Variants in ARHGAP32 observed in about 807,000 individuals in gnomAD.
ARHGAP32 encodes the protein rho GTPase-activating protein 32.
A neutral mutation model predicts 186.5 loss-of-function variants in ARHGAP32; 51 were observed. The ratio of observed to expected loss-of-function variants is 0.27; its 90% confidence interval spans 0.22 to 0.35. The LOEUF (loss-of-function observed/expected upper bound fraction) is 0.35. Ranked by LOEUF, ARHGAP32 falls within the 10% of genes least tolerant of loss-of-function variation. The pLI, the probability that ARHGAP32 is intolerant of heterozygous loss-of-function variation, is 1.00. For missense variants in ARHGAP32, 2,186 were observed against 2,623.5 expected (o/e 0.83, Z 3.64); for synonymous variants, 950 against 964.3 (o/e 0.99, Z 0.27).
intron 2 of ARHGAP32, among the ~76,000 whole-genome samples, chr11:129,129,198 A>C (rs11221572): frequency 0.15 from 11,932 of 81,932 alleles, 420 homozygotes; most frequent in Non-Finnish European, 0.17. Flanking sequence ...CGGCAGCCGC[A>C]CCGTCTGGGA....
chr11:129,204,522 T>C (rs908280819), intron 1 of ARHGAP32, among the ~76,000 whole-genome samples: 1 of 152,156 alleles, frequency 6.6e-6, no homozygotes, highest in African/African-American at 2.4e-5. Flanking sequence ...GTTGAAGAAA[T>C]AGAAATAAAT....
chr11:129,221,479 CTGTG>C (rs537808170), intron 1 of ARHGAP32, among the ~76,000 whole-genome samples: 5,633 of 121,028 alleles, frequency 0.047, 133 homozygotes, highest in South Asian at 0.088. Context: ...ATTGTCATTA[CTGTG>C]TGTGTGTGTG....
chr11:129,149,270 C>G (rs3911250), intron 2 of ARHGAP32, among the ~76,000 whole-genome samples: 29,512 of 152,132 alleles, frequency 0.19, 3,064 homozygotes, highest in Non-Finnish European at 0.22. Context: ...CCCACAACAT[C>G]CTGGCTAACC....
chr11:129,146,967 G>A (rs1943179126), intron 2 of ARHGAP32, among the ~76,000 whole-genome samples: 1 of 151,788 alleles, frequency 6.6e-6, no homozygotes, highest in African/African-American at 2.4e-5. Flanking sequence ...GATTATTATT[G>A]AGAAAAAAGG....
At position 129,188,017 on chromosome 11, in the gene ARHGAP32, G is replaced by A. The variant is rs544627967; in HGVS notation, c.116+4066C>T. Among the ~76,000 whole-genome samples, 594 of 152,152 alleles carry A rather than the reference G, an allele frequency of 3.9e-3. 2 individuals are homozygous for A. Among genetic ancestry groups the A allele is most frequent in the African/African-American group, 0.013 (558 of 41,518 alleles). ...GTCACCCAGGCTGGAATGCAGTGCC[G>A]TAATCTCAGCTCACTGCAATCTCTA... On this transcript the variant is annotated intron_variant, in intron 1 of 22. Coordinates refer to ENST00000682385, the MANE Select transcript of ARHGAP32 (RefSeq NM_001378024.1).
intron 1 of ARHGAP32, among the ~76,000 whole-genome samples, chr11:129,217,838 G>C (rs566413457): frequency 6.6e-6 from 1 of 152,160 alleles, no homozygotes; most frequent in Admixed American, 6.6e-5. Flanking sequence ...GCACTAGCTT[G>C]GTAGTGAGTT....
At chr11:129,059,236 G>A (rs1940390486) in intron 10 of ARHGAP32, among the ~76,000 whole-genome samples, 1 of 152,110 alleles carries the variant, frequency 6.6e-6, no homozygotes, top group Non-Finnish European at 1.5e-5. Context: ...TTAGCATCCT[G>A]ACTACTTATT....
chr11:129,247,860 A>T (rs1371002068), intron 1 of ARHGAP32, among the ~76,000 whole-genome samples: 1 of 152,246 alleles, frequency 6.6e-6, no homozygotes, highest in African/African-American at 2.4e-5. Flanking sequence ...GGGTCATAAA[A>T]TGAAATTCAG....
chr11:129,210,412 C>T (rs879615039), intron 1 of ARHGAP32, among the ~76,000 whole-genome samples: 1 of 152,154 alleles, frequency 6.6e-6, no homozygotes, highest in Non-Finnish European at 1.5e-5. Flanking sequence ...ATAAAATAAA[C>T]AACACTGTCC....
intron 1 of ARHGAP32, among the ~76,000 whole-genome samples, chr11:129,270,854 C>T (rs983180611): frequency 2.0e-5 from 3 of 151,976 alleles, no homozygotes; most frequent in African/African-American, 7.3e-5. Context: ...CATTTTGGAC[C>T]ACATAATTTT....
intron 1 of ARHGAP32, among the ~76,000 whole-genome samples, chr11:129,176,850 G>C (rs1025112412): frequency 6.6e-6 from 1 of 151,984 alleles, no homozygotes; most frequent in Admixed American, 6.6e-5. Flanking sequence ...ATCCAACATC[G>C]ACACCCTAAC....
At position 128,980,749 on chromosome 11, in the gene ARHGAP32, C is replaced by CT; in HGVS notation, c.1781-2dup. ...AGGGACTTGGGCCTTGATAGAGAAGCTTCAAAAAGAAAAGGAAGCTGATGA... is the reference window on the plus strand; with the variant it reads ...AGGGACTTGGGCCTTGATAGAGAAGCTTTCAAAAAGAAAAGGAAGCTGATGA... On this transcript the variant is annotated splice_acceptor_variant, in intron 17 of 22. Transcript: ENST00000682385. LOFTEE classifies it high-confidence loss of function. The CT allele has an allele frequency of 6.3e-7, 1 of 1,595,516 alleles. No homozygotes were observed. Among genetic ancestry groups the CT allele is most frequent in the Non-Finnish European group, 8.5e-7 (1 of 1,173,020 alleles).
intron 1 of ARHGAP32, among the ~76,000 whole-genome samples, chr11:129,181,618 T>A (rs955880456): frequency 6.6e-6 from 1 of 152,152 alleles, no homozygotes; most frequent in East Asian, 1.9e-4. Context: ...ATAAATCTAA[T>A]ATTCCCAGAA....
At chr11:129,193,293 G>A (rs1395089999), upstream of ARHGAP32, among the ~76,000 whole-genome samples, 7 of 93,162 alleles carry the variant, frequency 7.5e-5, no homozygotes, top group African/African-American at 1.3e-4. Context: ...GCAACTTAGC[G>A]AGACCTCATC....
At chr11:128,994,209 C>A (rs1369842029) in intron 12 of ARHGAP32, among the ~76,000 whole-genome samples, 1 of 151,378 alleles carries the variant, frequency 6.6e-6, no homozygotes, top group Admixed American at 6.6e-5. Context: ...GACTGGAGTG[C>A]AATAGCATGA....
At chr11:129,214,017 C>A (rs1430113145) in intron 1 of ARHGAP32, among the ~76,000 whole-genome samples, 1 of 151,730 alleles carries the variant, frequency 6.6e-6, no homozygotes, top group Non-Finnish European at 1.5e-5. Context: ...TAACTCCAGT[C>A]TAACCATGAG....
At chr11:129,262,739 G>A (rs1023395372) in intron 1 of ARHGAP32, among the ~76,000 whole-genome samples, 7 of 151,208 alleles carry the variant, frequency 4.6e-5, no homozygotes, top group Non-Finnish European at 1.0e-4. Context: ...GTTTTATAAG[G>A]CCTGGCAGAA....
Position 128,974,919 on chromosome 11 carries a change from T to A in ARHGAP32, c.2278A>T (p.Asn760Tyr). 1 of 1,613,698 alleles carries A rather than the reference T, an allele frequency of 6.2e-7. No homozygotes were observed. The highest frequency in any genetic ancestry group is 8.5e-7 in the Non-Finnish European group (1 of 1,179,598). Residue 760 changes from asparagine to tyrosine, a missense_variant, in exon 21 of 23, where the codon AAC becomes TAC. Physicochemically the swap from Asn to Tyr is moderately radical, Grantham distance 143 (BLOSUM62 -2). Coordinates refer to ENST00000682385, the MANE Select transcript of ARHGAP32 (RefSeq NM_001378024.1). ...SASFNGEMLG[N>Y]RCNSYDNLPH... is the part of the protein sequence containing the mutation. Reference sequence around the variant, plus strand: ...AGATTATCATAGGAGTTACAGCGGTTCCCCAGCATTTCTCCATTAAAAGAG... The same window carrying A: ...AGATTATCATAGGAGTTACAGCGGTACCCCAGCATTTCTCCATTAAAAGAG...
intron 2 of ARHGAP32, among the ~76,000 whole-genome samples, chr11:129,155,833 A>G (rs1055762769): frequency 6.6e-6 from 1 of 152,236 alleles, no homozygotes; most frequent in Non-Finnish European, 1.5e-5. Flanking sequence ...AGCGAGATCA[A>G]TGCAGAAGGC....
Sources: gnomAD v4.1 joint callset for allele counts (sites outside exome capture counted in the v4.1 genomes callset) on GRCh38, gnomAD v4.1.1 for gene constraint, MANE v1.5 for transcripts, NCBI Gene and HGNC (gene_info 2026-07-23, HGNC 2026-07-21) for gene names.